The following UBE4A variants were observed in gnomAD, a reference collection of about 807,000 sequenced individuals.
UBE4A encodes the protein ubiquitin conjugation factor E4 A.
Under a neutral mutation model 117.9 loss-of-function variants are expected in UBE4A, and 48 were observed. That is an observed-to-expected ratio of 0.41 (90% CI 0.32 to 0.52). The LOEUF (loss-of-function observed/expected upper bound fraction) is 0.52, where lower values mean the gene tolerates loss of function less well. Among genes scored for constraint, UBE4A ranks in the 20% least tolerant of loss-of-function variants. The probability of loss-of-function intolerance (pLI) is 0.33; values close to 1 mark genes in which losing one functional copy is unlikely to be tolerated. For missense variants in UBE4A, 1,067 were observed against 1,296.3 expected (o/e 0.82, Z 2.72); for synonymous variants, 407 against 450.0 (o/e 0.90, Z 1.21).
chr11:118,395,285 C>T (rs964685595), intron 19 of UBE4A, among the ~76,000 whole-genome samples: 3 of 150,826 alleles, frequency 2.0e-5, no homozygotes, highest in Admixed American at 6.6e-5. Context: ...GCCAAGATCA[C>T]GCCACTGCAA....
chr11:118,364,735 T>G (rs1487924720), intron 1 of UBE4A, among the ~76,000 whole-genome samples: 2 of 152,126 alleles, frequency 1.3e-5, no homozygotes, highest in African/African-American at 2.4e-5. Context: ...AATAATTCTT[T>G]CTACTTAACC....
chr11:118,382,322 A>G (rs1948712065), intron 12 of UBE4A, among the ~76,000 whole-genome samples: 1 of 152,184 alleles, frequency 6.6e-6, no homozygotes, highest in Non-Finnish European at 1.5e-5. Context: ...AGAAGTAAAC[A>G]ATGGCTAAGC....
intron 13 of UBE4A, among the ~76,000 whole-genome samples, chr11:118,384,018 G>C (rs1273410088): frequency 6.6e-6 from 1 of 152,156 alleles, no homozygotes; most frequent in Non-Finnish European, 1.5e-5. Context: ...TTCTGAGGAA[G>C]TGGAAGCTGA....
intron 8 of UBE4A, 97 bp downstream of exon 8, chr11:118,373,782 G>C (rs1591298115): frequency 1.4e-6 from 2 of 1,389,542 alleles, no homozygotes; most frequent in East Asian, 5.0e-5. Flanking sequence ...CTCTGGGAAA[G>C]CAAATTGATC....
Position 118,371,537 on chromosome 11 carries a change from T to G in UBE4A, c.432T>G (p.Leu144=). 6.2e-7 allele frequency: 1 copy of G among 1,613,410 alleles called. No homozygotes were observed. The highest frequency in any genetic ancestry group is 1.1e-5 in the South Asian group (1 of 91,016). The change falls in exon 5 of 20, where the codon CTT becomes CTG. Residue 144 remains leucine, a synonymous_variant. Transcript: ENST00000252108. The part of the protein sequence containing the change: ...VEQALFARLL[L]QDPGNHLINM... ...AGGCCCTCTTCGCTCGCTTATTACT[T>G]CAAGATCCAGGCAACCACTTAATTA...
Position 118,399,162 on chromosome 11 carries a change from G to T in UBE4A, c.*2722G>T. 2.4e-6 allele frequency: 1 copy of T among 415,886 alleles called. No individual in the cohort carries two copies. 25.8% of individuals were successfully genotyped at this position (415,886 alleles called of 1,614,324 possible). ...GGTTACTTCTTGTCAAACTTGCCTG[G>T]CAGTGTTTGTTCAAAACTTGTATTT... is the stretch of plus-strand genomic sequence containing the variant. On this transcript the variant is annotated 3_prime_UTR_variant, in exon 20 of 20. Coordinates refer to ENST00000252108, the MANE Select transcript of UBE4A (RefSeq NM_001204077.2).
At chr11:118,392,667 C>T (rs1948830336) in intron 18 of UBE4A, 71 bp from the exon 19 acceptor site, 2 of 1,465,444 alleles carry the variant, frequency 1.4e-6, no homozygotes, top group South Asian at 2.6e-5. Flanking sequence ...TGGAGTCTTG[C>T]TCTGTCATTG....
chr11:118,365,304 G>A (rs2134085856), intron 2 of UBE4A, 103 bp downstream of exon 2: 1 of 1,413,438 alleles, frequency 7.1e-7, no homozygotes, highest in Middle Eastern at 1.9e-4. Context: ...TTTAAGTTTG[G>A]AACAAAAGTT....
intron 12 of UBE4A, among the ~76,000 whole-genome samples, chr11:118,381,940 T>C (rs1437753780): frequency 6.6e-6 from 1 of 152,246 alleles, no homozygotes; most frequent in African/African-American, 2.4e-5. Flanking sequence ...TTCTCACTCA[T>C]AGCTTCTAGT....
intron 19 of UBE4A, 74 bp from the exon 20 acceptor site, chr11:118,396,240 A>C: frequency 6.5e-7 from 1 of 1,538,924 alleles, no homozygotes; most frequent in Non-Finnish European, 8.7e-7. Flanking sequence ...TGCGACGCCC[A>C]GGTGTTCTGT....
At chr11:118,368,938 T>C in intron 3 of UBE4A, 134 bp downstream of exon 3, 2 of 899,012 alleles carry the variant, frequency 2.2e-6, no homozygotes, top group Non-Finnish European at 3.4e-6. Flanking sequence ...TCAGGGTTTA[T>C]ATTTCAGTGA....
chr11:118,373,096 T>A lies in UBE4A; in HGVS notation c.732T>A (p.Asp244Glu). 1 of 1,614,060 alleles carries A rather than the reference T, an allele frequency of 6.2e-7. No individual in the cohort carries two copies. Among genetic ancestry groups the A allele is most frequent in the Non-Finnish European group, 8.5e-7 (1 of 1,180,000 alleles). The change falls in exon 7 of 20, where the codon GAT becomes GAA. Residue 244 changes from aspartate to glutamate, a missense_variant. Transcript: ENST00000252108. ...TTTGTCTTCTGTTAGATTTTGAAGA[T>A]GTAACTGAGTTTCTGGAAGAGGTCA... ...LEAIQGAHFE[D>E]VTEFLEEVIE...
rs567238393 is a variant in UBE4A, at chr11:118,374,577, G to A, written c.1117-319G>A. 3.3e-5 allele frequency among the ~76,000 whole-genome samples: 5 copies of A among 152,314 alleles called. No individual in the cohort carries two copies. The South Asian group carries it at 1.0e-3, about 32-fold the overall frequency. ...GTTTCTGGTTTGAATTCATACTACAGTGATAGAGTTGAATAATTGCTACAG... is the reference window on the plus strand; with the variant it reads ...GTTTCTGGTTTGAATTCATACTACAATGATAGAGTTGAATAATTGCTACAG... On this transcript the variant is annotated intron_variant, in intron 8 of 19. Coordinates refer to ENST00000252108, the MANE Select transcript of UBE4A (RefSeq NM_001204077.2).
intron 2 of UBE4A, 38 bp downstream of exon 2, chr11:118,365,239 T>C: frequency 6.6e-7 from 1 of 1,505,440 alleles, no homozygotes; most frequent in South Asian, 1.3e-5. Context: ...TAAGATGACC[T>C]AGAATGGGGT....
chr11:118,389,611 A>T, intron 16 of UBE4A, 114 bp from the exon 17 acceptor site: 1 of 1,054,234 alleles, frequency 9.5e-7, no homozygotes. Context: ...AGTTCCTTCA[A>T]AATGTTTAGA....
At chr11:118,365,011 C>T in intron 1 of UBE4A, 29 bp from the exon 2 acceptor site, 1 of 1,534,330 alleles carries the variant, frequency 6.5e-7, no homozygotes, top group East Asian at 2.4e-5. Context: ...CATCTGCCCT[C>T]TTGTGTCTAA....
chr11:118,373,812 A>G, intron 8 of UBE4A, 127 bp downstream of exon 8: 3 of 1,174,044 alleles, frequency 2.6e-6, no homozygotes, highest in Admixed American at 3.1e-5. Context: ...TTTACATCAC[A>G]TAAATAAATT....
At chr11:118,373,769 C>G (rs1948628692) in intron 8 of UBE4A, 84 bp downstream of exon 8, 2 of 1,438,710 alleles carry the variant, frequency 1.4e-6, no homozygotes, top group Non-Finnish European at 1.8e-6. Flanking sequence ...GCTGCTCAAG[C>G]CTCTCTGGGA....
chr11:118,384,593 T>C (rs782236520), intron 13 of UBE4A, 42 bp from the exon 14 acceptor site: 6 of 1,559,900 alleles, frequency 3.8e-6, no homozygotes, highest in Admixed American at 1.7e-5. Flanking sequence ...CTTCCTCTTA[T>C]GGCACCGCCT....
Sources: gnomAD v4.1 joint callset for allele counts (sites outside exome capture counted in the v4.1 genomes callset) on GRCh38, gnomAD v4.1.1 for gene constraint, MANE v1.5 for transcripts, NCBI Gene and HGNC (gene_info 2026-07-23, HGNC 2026-07-21) for gene names.